LOC122539214: variants seen among roughly 807,000 people sequenced by gnomAD.
the LOC122539214 span, among the ~76,000 whole-genome samples, chr19:52,666,195 CAA>C: frequency 7.0e-6 from 1 of 142,350 alleles, no homozygotes; most frequent in East Asian, 2.0e-4. Context: ...GACAGAGAGT[CAA>C]AGAGAGAGAG....
the LOC122539214 span, among the ~76,000 whole-genome samples, chr19:52,660,282 A>C: frequency 6.6e-6 from 1 of 152,168 alleles, no homozygotes; most frequent in African/African-American, 2.4e-5. Context: ...AGAAGAAGCA[A>C]TCAGTTTTCA....
chr19:52,686,031 C>T, the LOC122539214 span, among the ~76,000 whole-genome samples: 8 of 152,114 alleles, frequency 5.3e-5, no homozygotes, highest in South Asian at 2.1e-4. Flanking sequence ...CTTAATAGCT[C>T]CCAGCTCAAG....
chr19:52,667,815 T>C, the LOC122539214 span, among the ~76,000 whole-genome samples: 1 of 152,196 alleles, frequency 6.6e-6, no homozygotes, highest in African/African-American at 2.4e-5. Flanking sequence ...TAACATTGGA[T>C]AAATATGTCT....
At chr19:52,667,562 C>A in the LOC122539214 span, among the ~76,000 whole-genome samples, 1 of 152,004 alleles carries the variant, frequency 6.6e-6, no homozygotes, top group Non-Finnish European at 1.5e-5. Context: ...TGGATTTTTA[C>A]CTACATTGAA....
the LOC122539214 span, among the ~76,000 whole-genome samples, chr19:52,678,275 A>AC: frequency 9.7e-4 from 147 of 151,048 alleles, 2 homozygotes; most frequent in African/African-American, 3.1e-3. Context: ...AGATGGTGAA[A>AC]CCCCGTCTTA....
chr19:52,670,147 C>T, the LOC122539214 span, among the ~76,000 whole-genome samples: 6 of 152,110 alleles, frequency 3.9e-5, no homozygotes, highest in Admixed American at 2.6e-4. Flanking sequence ...TGATCACCTG[C>T]TCCACCCTGC....
chr19:52,672,600 GTTAC>G, the LOC122539214 span, among the ~76,000 whole-genome samples: 28 of 152,236 alleles, frequency 1.8e-4, no homozygotes, highest in Non-Finnish European at 3.1e-4. Context: ...AATTAATTAA[GTTAC>G]TTATTTATTT....
chr19:52,689,726 C>G, the LOC122539214 span, among the ~76,000 whole-genome samples: 1 of 151,320 alleles, frequency 6.6e-6, no homozygotes, highest in Non-Finnish European at 1.5e-5. Context: ...TTCTTCTTTT[C>G]TCTGTCTCAG....
the LOC122539214 span, among the ~76,000 whole-genome samples, chr19:52,690,195 AAAAC>A: frequency 5.7e-3 from 868 of 151,426 alleles, 9 homozygotes; most frequent in African/African-American, 0.02. Flanking sequence ...AAAAAAAAAA[AAAAC>A]AACAACAACT....
At chr19:52,688,881 C>T in the LOC122539214 span, among the ~76,000 whole-genome samples, 10 of 148,476 alleles carry the variant, frequency 6.7e-5, no homozygotes, top group East Asian at 5.9e-4. Context: ...TACAGGATAA[C>T]GCTGTCCGAA....
At chr19:52,670,356 T>C in the LOC122539214 span, among the ~76,000 whole-genome samples, 15 of 152,110 alleles carry the variant, frequency 9.9e-5, no homozygotes, top group Non-Finnish European at 2.2e-4. Flanking sequence ...CCCTCGCCAA[T>C]AGGGGAATGA....
chr19:52,661,360 C>T, the LOC122539214 span, among the ~76,000 whole-genome samples: 1 of 152,130 alleles, frequency 6.6e-6, no homozygotes, highest in South Asian at 2.1e-4. Context: ...AATGTCCACA[C>T]ACACGCTGAA....
At chr19:52,683,902 A>G in the LOC122539214 span, among the ~76,000 whole-genome samples, 1 of 152,070 alleles carries the variant, frequency 6.6e-6, no homozygotes, top group Non-Finnish European at 1.5e-5. Flanking sequence ...TGCATCCTTC[A>G]AGTAAGGGAG....
the LOC122539214 span, among the ~76,000 whole-genome samples, chr19:52,681,368 G>A: frequency 6.7e-6 from 1 of 150,124 alleles, no homozygotes. Context: ...TCATTACCTA[G>A]ATGAGCTGAA....
chr19:52,660,569 G>T, the LOC122539214 span, among the ~76,000 whole-genome samples: 1 of 152,090 alleles, frequency 6.6e-6, no homozygotes. Flanking sequence ...AGTGATCCCA[G>T]ATTGCTCCAG....
At chr19:52,671,995 G>A in the LOC122539214 span, among the ~76,000 whole-genome samples, 1 of 152,116 alleles carries the variant, frequency 6.6e-6, no homozygotes, top group Non-Finnish European at 1.5e-5. Flanking sequence ...CACTTTGGGA[G>A]GTCGAGGCAG....
chr19:52,685,749 T>C, the LOC122539214 span, among the ~76,000 whole-genome samples: 1 of 151,714 alleles, frequency 6.6e-6, no homozygotes, highest in East Asian at 1.9e-4. Flanking sequence ...ATACAAAAAA[T>C]GAGCCAGGCA....
the LOC122539214 span, among the ~76,000 whole-genome samples, chr19:52,677,168 AC>A: frequency 1.1e-4 from 17 of 151,896 alleles, no homozygotes; most frequent in East Asian, 2.3e-3. Flanking sequence ...GGAAGAAGAT[AC>A]AATCAAAAAA....
chr19:52,678,856 T>C, the LOC122539214 span, among the ~76,000 whole-genome samples: 1 of 151,648 alleles, frequency 6.6e-6, no homozygotes. Context: ...ATGCCTGTAA[T>C]CCCAGCTACT....
Sources: gnomAD v4.1 joint callset for allele counts (sites outside exome capture counted in the v4.1 genomes callset) on GRCh38, gnomAD v4.1.1 for gene constraint, MANE v1.5 for transcripts.